Variants in PTPRG observed in about 807,000 individuals in gnomAD.
PTPRG encodes the protein protein tyrosine phosphatase receptor type G, also known as receptor-type tyrosine-protein phosphatase gamma.
PTPRG carries 102 observed loss-of-function variants against 165.3 expected under a neutral mutation model. That is an observed-to-expected ratio of 0.62 (90% CI 0.53 to 0.73). The LOEUF is 0.73. Ranked by LOEUF, PTPRG falls within the 30% of genes least tolerant of loss-of-function variation. The pLI is 0.00. For missense variants in PTPRG, 1,866 were observed against 1,861.4 expected, an observed-to-expected ratio of 1.00 and a Z score of -0.05; for synonymous variants, 675 against 669.5, an observed-to-expected ratio of 1.01 and a Z score of -0.13.
Position 62,198,703 on chromosome 3 carries a change from G to A in PTPRG, c.1328-2802G>A, listed in dbSNP as rs75582940. On this transcript the variant is annotated intron_variant, in intron 10 of 29. Coordinates refer to ENST00000474889, the MANE Select transcript of PTPRG (RefSeq NM_002841.4). ...AAAATTAAGGTATTAAATGACAAGT[G>A]GTTGGTCTGTTAGCTCCAGTGATTT... Among the ~76,000 whole-genome samples, 1,224 of 152,320 alleles carry A rather than the reference G, an allele frequency of 8.0e-3. 13 individuals are homozygous for A. The highest frequency in any genetic ancestry group is 0.027 in the African/African-American group (1,125 of 41,570).
At chr3:61,941,137 G>C (rs2039616814) in intron 2 of PTPRG, among the ~76,000 whole-genome samples, 1 of 152,188 alleles carries the variant, frequency 6.6e-6, no homozygotes, top group African/African-American at 2.4e-5. Context: ...TTGTTGTGTG[G>C]ATCCAAGGTG....
chr3:62,112,913 G>A (rs769166157), intron 5 of PTPRG, among the ~76,000 whole-genome samples: 10 of 152,106 alleles, frequency 6.6e-5, no homozygotes, highest in Non-Finnish European at 1.2e-4. Flanking sequence ...TGTTTCTTTG[G>A]AGGTCACTTT....
Position 62,282,720 on chromosome 3 carries a change from G to A in PTPRG, c.3913-7G>A, listed in dbSNP as rs1702500386. Reference sequence around the variant, plus strand: ...AAGGGATTTGACCCATGTTGTATTGGTTACAGGATGACTATGTCTTAGAAG... The same window carrying A: ...AAGGGATTTGACCCATGTTGTATTGATTACAGGATGACTATGTCTTAGAAG... On this transcript the variant is annotated splice_region_variant and splice_polypyrimidine_tract_variant and intron_variant, in intron 27 of 29. Coordinates refer to ENST00000474889, the MANE Select transcript of PTPRG (RefSeq NM_002841.4). 6.2e-7 allele frequency: 1 copy of A among 1,608,234 alleles called. No homozygotes were observed. Among genetic ancestry groups the A allele is most frequent in the African/African-American group, 1.3e-5 (1 of 74,440 alleles).
chr3:62,242,866 G>C (rs1168299712), intron 14 of PTPRG, among the ~76,000 whole-genome samples: 1 of 152,084 alleles, frequency 6.6e-6, no homozygotes, highest in African/African-American at 2.4e-5. Context: ...CGCCAGAGGA[G>C]GACAGATCCC....
intron 16 of PTPRG, among the ~76,000 whole-genome samples, chr3:62,260,189 T>A (rs1255701315): frequency 6.6e-6 from 1 of 152,172 alleles, no homozygotes; most frequent in Non-Finnish European, 1.5e-5. Flanking sequence ...ACCACAATTG[T>A]AGGCTGCCTG....
At chr3:61,934,381 A>G (rs1194027542) in intron 2 of PTPRG, among the ~76,000 whole-genome samples, 1 of 152,028 alleles carries the variant, frequency 6.6e-6, no homozygotes, top group Non-Finnish European at 1.5e-5. Flanking sequence ...AAATTTAAAT[A>G]TCTTTTCTCG....
chr3:61,892,686 C>T (rs116629340), intron 2 of PTPRG, among the ~76,000 whole-genome samples: 23,035 of 151,798 alleles, frequency 0.15, 1,750 homozygotes, highest in African/African-American at 0.17. Flanking sequence ...TGTGGTGGAA[C>T]GTTCCTGTAA....
At chr3:62,236,993 GT>G (rs1701048366) in intron 14 of PTPRG, among the ~76,000 whole-genome samples, 3 of 152,080 alleles carry the variant, frequency 2.0e-5, no homozygotes, top group African/African-American at 7.2e-5. Context: ...TTGTTTGTTT[GT>G]TTGTTAATAC....
At chr3:61,578,582 G>A (rs1035844285) in intron 1 of PTPRG, among the ~76,000 whole-genome samples, 2 of 152,196 alleles carry the variant, frequency 1.3e-5, no homozygotes, top group South Asian at 2.1e-4. Flanking sequence ...GCTTTTCCAA[G>A]TAAGGTGAAT....
rs144546413 is a variant in PTPRG at position 61,665,801 on chromosome 3, C to G, written c.86-83077C>G. On this transcript the variant is annotated intron_variant, in intron 1 of 29. Coordinates refer to ENST00000474889, the MANE Select transcript of PTPRG (RefSeq NM_002841.4). ...TATGGTCATGCTACTGTACTCCAGT[C>G]TGGGCAACAGAATGATACCCCATTT... 9.0e-3 allele frequency among the ~76,000 whole-genome samples: 1,366 copies of G among 152,162 alleles called. 21 individuals are homozygous for G. Among genetic ancestry groups the G allele is most frequent in the African/African-American group, 0.031 (1,284 of 41,494 alleles).
intron 1 of PTPRG, among the ~76,000 whole-genome samples, chr3:61,690,018 G>A (rs2030086260): frequency 6.6e-6 from 1 of 152,114 alleles, no homozygotes; most frequent in African/African-American, 2.4e-5. Context: ...ATCAGCAAGG[G>A]CCATACATTC....
In PTPRG at chr3:62,255,204, G is replaced by A. The variant is rs1465533579; in HGVS notation, c.2548G>A (p.Glu850Lys). Residue 850 changes from glutamate to lysine, a missense_variant, in exon 16 of 30, where the codon GAG becomes AAG. By Grantham distance (56) the Glu-to-Lys change is moderately conservative (BLOSUM62 1). This residue lies in a region of PTPRG where 1,452 missense variants were observed against 1,463.0 expected (regional missense o/e 0.99). Transcript: ENST00000474889. The surrounding 1 kb of genome is among the most constrained non-coding windows in gnomAD (Gnocchi z 4.0). ...LYSNNQHGFS[E>K]DFEEVQRCTA... Reference sequence around the variant, plus strand: ...TTCTAATAACCAGCATGGGTTCTCTGAGGATTTTGAGGTATGTTTCAAGGC... The same window carrying A: ...TTCTAATAACCAGCATGGGTTCTCTAAGGATTTTGAGGTATGTTTCAAGGC... The A allele has an allele frequency of 1.2e-6, 2 of 1,611,124 alleles. No individual in the cohort carries two copies. The highest frequency in any genetic ancestry group is 1.7e-6 in the Non-Finnish European group (2 of 1,178,328).
chr3:61,899,409 T>C (rs1194523052), intron 2 of PTPRG, among the ~76,000 whole-genome samples: 2 of 152,106 alleles, frequency 1.3e-5, no homozygotes, highest in Admixed American at 1.3e-4. Context: ...CAGGAAAAAA[T>C]CCAAAATGAC....
At chr3:61,985,622 G>T (rs146426228) in intron 2 of PTPRG, among the ~76,000 whole-genome samples, 1 of 152,168 alleles carries the variant, frequency 6.6e-6, no homozygotes, top group African/African-American at 2.4e-5. Flanking sequence ...TGCTCCTTAT[G>T]TCCCATTTCT....
rs116402476 is a variant in PTPRG, at chr3:61,640,861, A to G, written c.85+78489A>G. Among the ~76,000 whole-genome samples the G allele has an allele frequency of 1.7e-3, 255 of 152,296 alleles. 1 individual carries two copies. Among genetic ancestry groups the G allele is most frequent in the African/African-American group, 5.7e-3 (236 of 41,564 alleles). On this transcript the variant is annotated intron_variant, in intron 1 of 29. Coordinates refer to ENST00000474889, the MANE Select transcript of PTPRG (RefSeq NM_002841.4). ...TCTGGAGTACAGGGCCACAGCCTTT[A>G]GAGTTTCTTTTCTCTTCCCTCAGTG...
intron 5 of PTPRG, among the ~76,000 whole-genome samples, chr3:62,084,641 G>T (rs1216403302): frequency 6.6e-6 from 1 of 152,174 alleles, no homozygotes; most frequent in East Asian, 1.9e-4. Flanking sequence ...GAAGGCAGGA[G>T]GAGTTCTTGA....
chr3:62,041,152 C>A (rs576248408), intron 4 of PTPRG, among the ~76,000 whole-genome samples: 1 of 152,134 alleles, frequency 6.6e-6, no homozygotes, highest in African/African-American at 2.4e-5. Flanking sequence ...TTTCTATTCT[C>A]GGCACTTACA....
intron 2 of PTPRG, among the ~76,000 whole-genome samples, chr3:61,972,657 T>C (rs1284699249): frequency 7.3e-6 from 1 of 137,642 alleles, no homozygotes; most frequent in Non-Finnish European, 1.6e-5. Flanking sequence ...TTTTTTCTTT[T>C]CTTTTTTTTT....
chr3:61,778,478 G>C (rs1249722756), intron 2 of PTPRG, among the ~76,000 whole-genome samples: 1 of 152,126 alleles, frequency 6.6e-6, no homozygotes, highest in Non-Finnish European at 1.5e-5. Flanking sequence ...ATGGGGGTGG[G>C]TTTGCAAAGG....
Sources: allele counts gnomAD v4.1 joint callset (sites outside exome capture counted in the v4.1 genomes callset), GRCh38; gene constraint gnomAD v4.1.1; regional missense constraint gnomAD v4.1.1; non-coding constraint Gnocchi (gnomAD v3.1); transcripts MANE v1.5; gene names NCBI Gene and HGNC (gene_info 2026-07-23, HGNC 2026-07-21).